Variants in CD247 observed in about 807,000 individuals in gnomAD.
The protein encoded by CD247 is CD247 molecule.
In CD247, 13 loss-of-function variants were observed where a neutral mutation model predicts 30.0. The observed-to-expected ratio is 0.43, with a 90% CI of 0.28 to 0.69. CD247 has a LOEUF of 0.69. Ranked by LOEUF, CD247 falls within the 30% of genes least tolerant of loss-of-function variation. CD247 has a pLI of 0.16. For synonymous variants in CD247, 72 were observed against 80.0 expected (o/e 0.90, Z 0.53); for missense variants, 193 against 212.6 (o/e 0.91, Z 0.57).
chr1:167,508,649 A>T (rs1022512774), intron 1 of CD247, among the ~76,000 whole-genome samples: 1 of 152,188 alleles, frequency 6.6e-6, no homozygotes, highest in African/African-American at 2.4e-5. Context: ...GAAAAGACAA[A>T]GATTTCTCTC....
intron 1 of CD247, among the ~76,000 whole-genome samples, chr1:167,517,679 G>C (rs899891598): frequency 2.6e-5 from 4 of 152,218 alleles, no homozygotes; most frequent in South Asian, 2.1e-4. Flanking sequence ...CTCTGGCTGG[G>C]CTAGATGGCC....
chr1:167,454,145 C>T (rs901163780), intron 1 of CD247, among the ~76,000 whole-genome samples: 1 of 152,060 alleles, frequency 6.6e-6, no homozygotes, highest in South Asian at 2.1e-4. Context: ...AATGTACTTA[C>T]TTCATGTCAC....
At chr1:167,473,449 C>G (rs567243308) in intron 1 of CD247, among the ~76,000 whole-genome samples, 3 of 152,158 alleles carry the variant, frequency 2.0e-5, no homozygotes, top group South Asian at 2.1e-4. Flanking sequence ...GTCATTTAGC[C>G]GCGCTCACAG....
intron 1 of CD247, among the ~76,000 whole-genome samples, chr1:167,443,081 G>A (rs1332720713): frequency 6.6e-6 from 1 of 152,048 alleles, no homozygotes; most frequent in African/African-American, 2.4e-5. Flanking sequence ...GTTGAAATCA[G>A]ACTGTCCCAC....
rs747661888 is a variant in CD247, at chr1:167,433,062, GGTT to G, written c.394-6_394-4del. Reference sequence around the variant, plus strand: ...TCGTGCCCCTTGCCCCTCCGGCGCTGGTTGTTTGGGAGTGAAATGAGAAAAGGA... The same window carrying G: ...TCGTGCCCCTTGCCCCTCCGGCGCTGGTTTGGGAGTGAAATGAGAAAAGGA... On this transcript the variant is annotated splice_polypyrimidine_tract_variant and splice_region_variant and intron_variant, in intron 6 of 7. Transcript: ENST00000362089. 3 of 1,614,106 alleles carry G rather than the reference GGTT, an allele frequency of 1.9e-6. No homozygotes were observed. In the African/African-American group the frequency reaches 4.0e-5, roughly 22 times the overall value.
At chr1:167,433,094 G>A in intron 6 of CD247, 35 bp from the exon 7 acceptor site, 3 of 1,612,976 alleles carry the variant, frequency 1.9e-6, no homozygotes, top group South Asian at 2.2e-5. Context: ...AAAAGGATTA[G>A]AAAGTCAGGC....
chr1:167,480,468 C>T (rs1377171451), intron 1 of CD247, among the ~76,000 whole-genome samples: 1 of 152,174 alleles, frequency 6.6e-6, no homozygotes, highest in African/African-American at 2.4e-5. Flanking sequence ...CCAGAGCTCT[C>T]CTCCTGCTCA....
intron 1 of CD247, among the ~76,000 whole-genome samples, chr1:167,453,037 A>T (rs200380439): frequency 1.0e-5 from 1 of 98,916 alleles, no homozygotes; most frequent in African/African-American, 5.3e-5. Context: ...GATATATATT[A>T]TATATATATA....
At chr1:167,452,411 CAA>C (rs34079142) in intron 1 of CD247, among the ~76,000 whole-genome samples, 8 of 104,646 alleles carry the variant, frequency 7.6e-5, no homozygotes, top group African/African-American at 1.2e-4. Flanking sequence ...AAGACTCTAT[CAA>C]AAAAAAAAAA....
intron 1 of CD247, among the ~76,000 whole-genome samples, chr1:167,477,624 G>A (rs896180157): frequency 6.6e-6 from 1 of 152,130 alleles, no homozygotes; most frequent in Non-Finnish European, 1.5e-5. Flanking sequence ...TGACCTCCTG[G>A]GCTCAAGTGA....
chr1:167,480,700 TC>T (rs1653939467), intron 1 of CD247, among the ~76,000 whole-genome samples: 1 of 152,220 alleles, frequency 6.6e-6, no homozygotes, highest in Admixed American at 6.5e-5. Flanking sequence ...CTGCATTAAA[TC>T]AAATGTGAAG....
intron 4 of CD247, 128 bp from the exon 5 acceptor site, chr1:167,435,562 T>A: frequency 1.3e-6 from 1 of 781,060 alleles, no homozygotes; most frequent in Non-Finnish European, 2.3e-6. Flanking sequence ...CTCTCCTCCC[T>A]GTGCTACCCC....
chr1:167,492,597 T>C (rs914757190), intron 1 of CD247, among the ~76,000 whole-genome samples: 1 of 152,250 alleles, frequency 6.6e-6, no homozygotes, highest in Non-Finnish European at 1.5e-5. Context: ...CGTAGGCTGC[T>C]GTCTTCGGCT....
chr1:167,439,561 C>G (rs1177445174), intron 2 of CD247, 161 bp from the exon 3 acceptor site: 1 of 644,566 alleles, frequency 1.6e-6, no homozygotes, highest in Non-Finnish European at 2.8e-6. Flanking sequence ...GGGGCCGGGG[C>G]GTGGCAGCCC....
At chr1:167,457,279 G>C (rs1030269644) in intron 1 of CD247, 1 of 152,312 alleles carries the variant, frequency 6.6e-6, no homozygotes, top group Non-Finnish European at 1.5e-5. Context: ...AGTGGGAGGT[G>C]GGGGACCTGG....
chr1:167,484,144 G>T (rs933376448), intron 1 of CD247, among the ~76,000 whole-genome samples: 2 of 152,190 alleles, frequency 1.3e-5, no homozygotes, highest in African/African-American at 2.4e-5. Flanking sequence ...CTCATTCCTC[G>T]TGCCCCACAC....
At chr1:167,512,218 A>C (rs1400437365) in intron 1 of CD247, among the ~76,000 whole-genome samples, 1 of 152,060 alleles carries the variant, frequency 6.6e-6, no homozygotes, top group South Asian at 2.1e-4. Flanking sequence ...GCCCCCAATA[A>C]ATCTGCAGCC....
At chr1:167,474,596 A>G (rs879633942) in intron 1 of CD247, among the ~76,000 whole-genome samples, 11 of 152,012 alleles carry the variant, frequency 7.2e-5, no homozygotes, top group Non-Finnish European at 1.3e-4. Flanking sequence ...ATGCACACAA[A>G]TGGGACACCT....
intron 1 of CD247, among the ~76,000 whole-genome samples, chr1:167,469,627 CT>C (rs370411695): frequency 0.012 from 1,887 of 151,540 alleles, 38 homozygotes; most frequent in African/African-American, 0.043. Flanking sequence ...CTCCTCACCC[CT>C]TTTTTTTTCT....
Sources: allele counts gnomAD v4.1 joint callset (sites outside exome capture counted in the v4.1 genomes callset), GRCh38; gene constraint gnomAD v4.1.1; transcripts MANE v1.5; gene names NCBI Gene and HGNC (gene_info 2026-07-23, HGNC 2026-07-21).